Variants in RAPGEF6 observed in about 807,000 individuals in gnomAD.
RAPGEF6 encodes the protein Rap guanine nucleotide exchange factor 6, also known as PDZ domain containing guanine nucleotide exchange factor (GEF) 2.
RAPGEF6 carries 56 observed loss-of-function variants against 171.4 expected under a neutral mutation model. The observed-to-expected ratio is 0.33, with a 90% CI of 0.26 to 0.41. RAPGEF6 has a LOEUF of 0.41. RAPGEF6 is among the 10% of genes least tolerant of loss of function. The probability of loss-of-function intolerance (pLI) is 1.00; values close to 1 mark genes in which losing one functional copy is unlikely to be tolerated. For missense variants in RAPGEF6, 1,674 were observed against 1,921.4 expected (o/e 0.87, Z 2.41); for synonymous variants, 692 against 650.1 (o/e 1.06, Z -0.98).
rs1757577756 is a variant in RAPGEF6 at position 131,509,446 on chromosome 5, G to C, written c.805+868C>G. 2.6e-5 allele frequency among the ~76,000 whole-genome samples: 4 copies of C among 152,158 alleles called. No individual in the cohort carries two copies. In the South Asian group the frequency reaches 8.3e-4, roughly 32 times the overall value. On this transcript the variant is annotated intron_variant, in intron 8 of 27. Coordinates refer to ENST00000509018, the MANE Select transcript of RAPGEF6 (RefSeq NM_016340.6). ...TAGTCCCAGCTACTCAGGAGGCTGA[G>C]GCAGGAGAATGGCGTGAACCCGGGA... is the stretch of plus-strand genomic sequence containing the variant.
At chr5:131,552,554 A>AG (rs1362797018) in intron 5 of RAPGEF6, among the ~76,000 whole-genome samples, 1 of 150,348 alleles carries the variant, frequency 6.7e-6, no homozygotes, top group Admixed American at 6.7e-5. Context: ...TTCACCTCCC[A>AG]GGTTCAAGTG....
At chr5:131,621,120 C>T (rs533257649) in intron 1 of RAPGEF6, among the ~76,000 whole-genome samples, 78 of 152,298 alleles carry the variant, frequency 5.1e-4, no homozygotes, top group African/African-American at 1.8e-3. Context: ...TTTCAAGAAA[C>T]ACACCTTCCC....
In RAPGEF6 at chr5:131,427,238, A is replaced by C. The variant is rs751374934; in HGVS notation, c.*28T>G. ...TCTTGCCCATTCCTCCACGACTTTCAGTGGTTTTCAAATAGGTCATCCAAA... is the reference window on the plus strand; with the variant it reads ...TCTTGCCCATTCCTCCACGACTTTCCGTGGTTTTCAAATAGGTCATCCAAA... On this transcript the variant is annotated 3_prime_UTR_variant, in exon 28 of 28. Coordinates refer to ENST00000509018, the MANE Select transcript of RAPGEF6 (RefSeq NM_016340.6). 1.8e-5 allele frequency: 29 copies of C among 1,600,408 alleles called. No homozygotes were observed. In the South Asian group the frequency reaches 3.1e-4, roughly 17 times the overall value.
At chr5:131,580,562 G>A (rs747238807) in intron 4 of RAPGEF6, among the ~76,000 whole-genome samples, 13 of 152,198 alleles carry the variant, frequency 8.5e-5, no homozygotes, top group African/African-American at 2.2e-4. Flanking sequence ...AGAGAGGGCC[G>A]CCAGCACGTT....
chr5:131,429,880 T>C (rs903197363), intron 26 of RAPGEF6, among the ~76,000 whole-genome samples: 75 of 151,902 alleles, frequency 4.9e-4, no homozygotes, highest in African/African-American at 1.6e-3. Flanking sequence ...TGAAGCCCCA[T>C]CTCTACTAAA....
intron 24 of RAPGEF6, chr5:131,435,985 G>GTTC: frequency 6.5e-7 from 1 of 1,536,060 alleles, no homozygotes; most frequent in Non-Finnish European, 8.7e-7. Flanking sequence ...CTTGAATCGC[G>GTTC]TATAGAAGCA....
intron 1 of RAPGEF6, among the ~76,000 whole-genome samples, chr5:131,616,150 T>C (rs1765249395): frequency 6.6e-6 from 1 of 152,056 alleles, no homozygotes; most frequent in Non-Finnish European, 1.5e-5. Context: ...ACTTGGTACT[T>C]CCTAAAACAG....
intron 1 of RAPGEF6, among the ~76,000 whole-genome samples, chr5:131,617,056 T>A (rs1029232947): frequency 4.6e-5 from 7 of 152,206 alleles, no homozygotes; most frequent in African/African-American, 1.7e-4. Context: ...CAGCACAAAT[T>A]CAACTGTATC....
intron 1 of RAPGEF6, among the ~76,000 whole-genome samples, chr5:131,629,709 C>T (rs573805159): frequency 4.2e-4 from 62 of 147,976 alleles, no homozygotes; most frequent in African/African-American, 1.5e-3. Flanking sequence ...GCTGTGATTA[C>T]GCCACTGCAC....
At chr5:131,504,100 C>G (rs1757194996) in intron 11 of RAPGEF6, among the ~76,000 whole-genome samples, 1 of 152,074 alleles carries the variant, frequency 6.6e-6, no homozygotes, top group Non-Finnish European at 1.5e-5. Flanking sequence ...CCAGTATATT[C>G]TAAAATAATA....
intron 11 of RAPGEF6, among the ~76,000 whole-genome samples, chr5:131,498,925 G>T (rs1349731797): frequency 6.6e-6 from 1 of 152,138 alleles, no homozygotes; most frequent in African/African-American, 2.4e-5. Flanking sequence ...GGCTGTTACT[G>T]CCACTTCTCC....
rs149239135 is a variant in RAPGEF6, at chr5:131,473,943, A to C, written c.2082-1199T>G. 3.8e-4 allele frequency among the ~76,000 whole-genome samples: 58 copies of C among 152,272 alleles called. 1 individual carries two copies. In the East Asian group the frequency reaches 0.011, roughly 29 times the overall value. On this transcript the variant is annotated intron_variant, in intron 16 of 27. Coordinates refer to ENST00000509018, the MANE Select transcript of RAPGEF6 (RefSeq NM_016340.6). ...CAAAGAGACATGGAAGAAAGCAAAG[A>C]TTAGTGTTTCAAGGGCAAGCTTTGA...
chr5:131,584,115 C>G (rs1250082359), intron 4 of RAPGEF6, among the ~76,000 whole-genome samples: 4 of 152,146 alleles, frequency 2.6e-5, no homozygotes, highest in Non-Finnish European at 5.9e-5. Context: ...CTTTGTAATA[C>G]TGGTGGTTTT....
chr5:131,578,267 A>G (rs1762722880), intron 4 of RAPGEF6, among the ~76,000 whole-genome samples: 1 of 151,964 alleles, frequency 6.6e-6, no homozygotes, highest in Non-Finnish European at 1.5e-5. Context: ...TACCTCCAGC[A>G]TACTATCAAT....
In RAPGEF6 at chr5:131,426,734, G is replaced by A; in HGVS notation, c.*532C>T. On this transcript the variant is annotated 3_prime_UTR_variant, in exon 28 of 28. Transcript: ENST00000509018. ...CCTCTGTAAAGATGACTTCTGTTTG[G>A]TCAGACCAGAGACAATTTTATGACC... 1 of 165,616 alleles carries A rather than the reference G, an allele frequency of 6.0e-6. No homozygotes were observed. The highest frequency in any genetic ancestry group is 1.3e-5 in the Non-Finnish European group (1 of 77,468). 10.3% of individuals were successfully genotyped at this position (165,616 alleles called of 1,614,324 possible). A position where few individuals can be genotyped will look rare whatever the true frequency, so the allele number is the denominator to read the frequency against.
intron 4 of RAPGEF6, among the ~76,000 whole-genome samples, chr5:131,591,023 A>G (rs1763555451): frequency 6.6e-6 from 1 of 152,248 alleles, no homozygotes; most frequent in African/African-American, 2.4e-5. Flanking sequence ...ATTTATAAAT[A>G]CAGTCAACTA....
At chr5:131,606,055 A>AAAAAAG (rs1764553795) in intron 1 of RAPGEF6, among the ~76,000 whole-genome samples, 3 of 126,546 alleles carry the variant, frequency 2.4e-5, no homozygotes, top group African/African-American at 1.3e-4. Context: ...AAAAAAAAAG[A>AAAAAAG]AAAAGAAAAG....
chr5:131,470,378 A>G (rs1754659925), intron 17 of RAPGEF6, among the ~76,000 whole-genome samples: 1 of 152,182 alleles, frequency 6.6e-6, no homozygotes, highest in South Asian at 2.1e-4. Flanking sequence ...TTTCAGCTCC[A>G]TGGGGACTTA....
intron 1 of RAPGEF6, among the ~76,000 whole-genome samples, chr5:131,605,557 C>T (rs1246786801): frequency 1.3e-5 from 2 of 152,178 alleles, no homozygotes; most frequent in Non-Finnish European, 2.9e-5. Context: ...AACATACTTC[C>T]TATTTCCTAT....
Sources: allele counts gnomAD v4.1 joint callset (sites outside exome capture counted in the v4.1 genomes callset), GRCh38; gene constraint gnomAD v4.1.1; transcripts MANE v1.5; gene names NCBI Gene and HGNC (gene_info 2026-07-23, HGNC 2026-07-21).